Variants in EHBP1 observed in about 807,000 individuals in gnomAD.
EHBP1 encodes the protein EH domain-binding protein 1.
EHBP1 carries 55 observed loss-of-function variants against 144.0 expected under a neutral mutation model. The observed-to-expected ratio is 0.38, with a 90% CI of 0.31 to 0.48. The LOEUF (loss-of-function observed/expected upper bound fraction) is 0.48. Ranked by LOEUF, EHBP1 falls within the 20% of genes least tolerant of loss-of-function variation. The probability of loss-of-function intolerance (pLI) is 0.98; values close to 1 mark genes in which losing one functional copy is unlikely to be tolerated. For synonymous variants in EHBP1, 469 were observed against 472.7 expected (o/e 0.99, Z 0.10); for missense variants, 1,200 against 1,364.2 (o/e 0.88, Z 1.90).
At chr2:62,732,630 T>G (rs886913740) in intron 2 of EHBP1, among the ~76,000 whole-genome samples, 1 of 152,162 alleles carries the variant, frequency 6.6e-6, no homozygotes, top group Non-Finnish European at 1.5e-5. Flanking sequence ...CCCCCTCACC[T>G]TTTGCCATGA....
chr2:62,844,133 C>T (rs537108575), intron 7 of EHBP1, among the ~76,000 whole-genome samples: 12 of 152,256 alleles, frequency 7.9e-5, no homozygotes, highest in Non-Finnish European at 1.6e-4. Context: ...TGACATCTCA[C>T]GGTTATTCAT....
intron 5 of EHBP1, among the ~76,000 whole-genome samples, chr2:62,819,756 T>C (rs1480523177): frequency 7.0e-6 from 1 of 143,672 alleles, no homozygotes; most frequent in Admixed American, 7.1e-5. Flanking sequence ...AGAGCGAGAC[T>C]CCAGCTCAAA....
At chr2:62,760,415 T>TACTA (rs1193238463) in intron 3 of EHBP1, among the ~76,000 whole-genome samples, 1 of 152,218 alleles carries the variant, frequency 6.6e-6, no homozygotes, top group African/African-American at 2.4e-5. Context: ...AGAAGCAGTG[T>TACTA]ACTAGCAACT....
chr2:62,983,016 A>G (rs952001886), intron 15 of EHBP1, among the ~76,000 whole-genome samples: 2 of 152,176 alleles, frequency 1.3e-5, no homozygotes, highest in South Asian at 2.1e-4. Flanking sequence ...CACCTCTCCT[A>G]GCAGCCATAG....
intron 14 of EHBP1, among the ~76,000 whole-genome samples, chr2:62,957,960 A>C (rs2057798700): frequency 6.6e-6 from 1 of 152,204 alleles, no homozygotes; most frequent in Non-Finnish European, 1.5e-5. Flanking sequence ...CAACAAGCAC[A>C]TAAGAAATAA....
intron 5 of EHBP1, among the ~76,000 whole-genome samples, chr2:62,804,318 G>C (rs1266542650): frequency 6.6e-6 from 1 of 152,160 alleles, no homozygotes; most frequent in Non-Finnish European, 1.5e-5. Flanking sequence ...AAGCAAGAAA[G>C]AGTTGTATAA....
chr2:62,894,782 G>C (rs2052742781), intron 10 of EHBP1, among the ~76,000 whole-genome samples: 1 of 152,078 alleles, frequency 6.6e-6, no homozygotes, highest in Admixed American at 6.5e-5. Context: ...TGGGCATGGT[G>C]GGCATGGTGC....
intron 2 of EHBP1, among the ~76,000 whole-genome samples, chr2:62,734,113 T>C (rs1332103593): frequency 2.0e-5 from 3 of 152,208 alleles, no homozygotes; most frequent in Admixed American, 1.3e-4. Context: ...AGTCTTTTTG[T>C]CTTTCCTGTA....
At chr2:62,961,639 T>C (rs749759059) in intron 14 of EHBP1, among the ~76,000 whole-genome samples, 1 of 152,226 alleles carries the variant, frequency 6.6e-6, no homozygotes, top group Non-Finnish European at 1.5e-5. Context: ...GATCATGTAA[T>C]ATATAAGCAC....
At chr2:63,011,542 T>G (rs112231774) in intron 19 of EHBP1, among the ~76,000 whole-genome samples, 3,077 of 152,060 alleles carry the variant, frequency 0.02, 75 homozygotes, top group African/African-American at 0.06. Flanking sequence ...AGTTCAGCCT[T>G]TTTACATCTT....
At chr2:62,818,650 C>A (rs181458315) in intron 5 of EHBP1, among the ~76,000 whole-genome samples, 6 of 152,066 alleles carry the variant, frequency 3.9e-5, no homozygotes, top group Admixed American at 1.3e-4. Context: ...ACAGAATATA[C>A]CCAAGGAAAG....
chr2:62,894,955 G>GAGAGAGAGAA (rs2052772916), intron 10 of EHBP1, among the ~76,000 whole-genome samples: 1 of 151,302 alleles, frequency 6.6e-6, no homozygotes, highest in East Asian at 1.9e-4. Context: ...GAGAGAGAGA[G>GAGAGAGAGAA]AATGCTGCAG....
intron 12 of EHBP1, 96 bp downstream of exon 12, chr2:62,943,946 C>T: frequency 1.2e-6 from 1 of 811,010 alleles, no homozygotes; most frequent in Non-Finnish European, 2.0e-6. Flanking sequence ...TTTATGAGGT[C>T]ATAACTACAA....
At chr2:63,000,610 T>C (rs1270330362) in intron 19 of EHBP1, among the ~76,000 whole-genome samples, 2 of 152,188 alleles carry the variant, frequency 1.3e-5, no homozygotes, top group South Asian at 4.2e-4. Flanking sequence ...GGCAGGATAA[T>C]CTCTTGAACC....
intron 4 of EHBP1, among the ~76,000 whole-genome samples, chr2:62,767,477 G>A (rs1382259704): frequency 1.3e-5 from 2 of 151,882 alleles, no homozygotes; most frequent in African/African-American, 4.8e-5. Flanking sequence ...GTGGGTGATC[G>A]CTTGAGCCAA....
chr2:62,920,337 G>A (rs1337376044), intron 10 of EHBP1, among the ~76,000 whole-genome samples: 1 of 151,970 alleles, frequency 6.6e-6, no homozygotes, highest in East Asian at 1.9e-4. Context: ...ACTGCTAAAA[G>A]ACAAAAAAAC....
chr2:62,858,119 C>T (rs1458635692), intron 7 of EHBP1, among the ~76,000 whole-genome samples: 2 of 151,944 alleles, frequency 1.3e-5, no homozygotes, highest in Admixed American at 6.5e-5. Context: ...ATGTGAAAAC[C>T]AGTGTCAACT....
Position 63,045,273 on chromosome 2 carries a change from C to A in EHBP1, c.3392+93C>A. The A allele has an allele frequency of 7.2e-7, 1 of 1,390,732 alleles. No homozygotes were observed. 86.1% of individuals were successfully genotyped at this position (1,390,732 alleles called of 1,614,324 possible). On this transcript the variant is annotated intron_variant, in intron 22 of 22. Transcript: ENST00000431489. The surrounding 1 kb of genome is among the most constrained non-coding windows in gnomAD (Gnocchi z 5.7). ...TTCAATCCAGAGGTCGCGGGAGGGC[C>A]GGGGCAGCCTCCCACTGGCCTGGTG...
chr2:62,820,804 TCAG>T (rs935211214), intron 5 of EHBP1, among the ~76,000 whole-genome samples: 2 of 126,296 alleles, frequency 1.6e-5, no homozygotes, highest in African/African-American at 5.9e-5. Flanking sequence ...GATCCATTCA[TCAG>T]CAGGATATTT....
Sources: allele counts gnomAD v4.1 joint callset (sites outside exome capture counted in the v4.1 genomes callset), GRCh38; gene constraint gnomAD v4.1.1; non-coding constraint Gnocchi (gnomAD v3.1); transcripts MANE v1.5; gene names NCBI Gene and HGNC (gene_info 2026-07-23, HGNC 2026-07-21).